TENM2: variants seen among roughly 807,000 people sequenced by gnomAD.
The protein encoded by TENM2 is teneurin-2.
In TENM2, 52 loss-of-function variants were observed where a neutral mutation model predicts 245.2. The observed-to-expected ratio is 0.21, with a 90% CI of 0.17 to 0.27. The LOEUF (loss-of-function observed/expected upper bound fraction) is 0.27. Among genes scored for constraint, TENM2 ranks in the 10% least tolerant of loss-of-function variants. TENM2 has a pLI of 1.00. For synonymous variants in TENM2, 1,363 were observed against 1,438.9 expected (o/e 0.95, Z 1.19); for missense variants, 3,046 against 3,666.8 (o/e 0.83, Z 4.37).
At chr5:167,793,894 G>A (rs889431741) in intron 2 of TENM2, among the ~76,000 whole-genome samples, 2 of 151,148 alleles carry the variant, frequency 1.3e-5, no homozygotes, top group Non-Finnish European at 2.9e-5. Flanking sequence ...AGAGTACAAA[G>A]CATTGTATTG....
the TENM2 span, among the ~76,000 whole-genome samples, chr5:167,270,879 A>G: frequency 6.6e-6 from 1 of 152,058 alleles, no homozygotes; most frequent in Non-Finnish European, 1.5e-5. Flanking sequence ...CAGAATTTAC[A>G]TTTTCCCATC....
At chr5:167,710,555 G>A (rs1254600366) in intron 2 of TENM2, among the ~76,000 whole-genome samples, 1 of 152,202 alleles carries the variant, frequency 6.6e-6, no homozygotes. Context: ...AAGGGATAAT[G>A]TGAATGAAGG....
intron 7 of TENM2, among the ~76,000 whole-genome samples, chr5:168,070,819 G>A (rs6897577): frequency 0.035 from 3,881 of 111,484 alleles, 162 homozygotes; most frequent in African/African-American, 0.12. Context: ...GAGAGAGAGA[G>A]AAAAAAAGAA....
At chr5:167,545,659 C>T (rs1261503632) in intron 2 of TENM2, among the ~76,000 whole-genome samples, 1 of 152,146 alleles carries the variant, frequency 6.6e-6, no homozygotes, top group Non-Finnish European at 1.5e-5. Context: ...TATGCTTTCA[C>T]ATAAGATACA....
In TENM2 at chr5:167,508,860, G is replaced by A. The variant is rs144024190; in HGVS notation, c.502+133387G>A. Reference sequence around the variant, plus strand: ...TTTTGAGACAGAGTCTCATTCTGTCGCTCAGCTGGAGTGCAATGGCGTGAT... The same window carrying A: ...TTTTGAGACAGAGTCTCATTCTGTCACTCAGCTGGAGTGCAATGGCGTGAT... On this transcript the variant is annotated intron_variant, in intron 2 of 28. Transcript: ENST00000518659. Among the ~76,000 whole-genome samples the A allele has an allele frequency of 3.8e-3, 584 of 151,998 alleles. 6 individuals carry two copies. Among genetic ancestry groups the A allele is most frequent in the African/African-American group, 0.013 (549 of 41,446 alleles).
chr5:167,962,996 A>G (rs1781127871), intron 4 of TENM2, among the ~76,000 whole-genome samples: 1 of 152,248 alleles, frequency 6.6e-6, no homozygotes, highest in Non-Finnish European at 1.5e-5. Flanking sequence ...GATACTGATT[A>G]AAACATGTAT....
rs73372783 is a variant in TENM2, at chr5:167,948,562, G to A, written c.713-4026G>A. ...CCTTCTTCCTAGGACTAAAAGCCAC[G>A]CAGTACCTAAAAATAAATTCCAGGT... On this transcript the variant is annotated intron_variant, in intron 3 of 28. Transcript: ENST00000518659. Among the ~76,000 whole-genome samples the A allele has an allele frequency of 7.9e-3, 1,200 of 152,256 alleles. 21 individuals carry two copies. The highest frequency in any genetic ancestry group is 0.028 in the African/African-American group (1,156 of 41,538).
chr5:167,337,274 T>G (rs2127804034), intron 1 of TENM2, among the ~76,000 whole-genome samples: 1 of 152,232 alleles, frequency 6.6e-6, no homozygotes, highest in African/African-American at 2.4e-5. Context: ...ACAATTTGTT[T>G]CCCCTTAACA....
intron 2 of TENM2, among the ~76,000 whole-genome samples, chr5:167,820,692 G>A (rs981103722): frequency 6.6e-6 from 1 of 152,230 alleles, no homozygotes; most frequent in Non-Finnish European, 1.5e-5. Flanking sequence ...GTATGCAGCT[G>A]TTGCTAACAA....
chr5:168,007,829 C>T (rs1325425091), intron 5 of TENM2, among the ~76,000 whole-genome samples: 1 of 152,124 alleles, frequency 6.6e-6, no homozygotes, highest in Non-Finnish European at 1.5e-5. Flanking sequence ...AAGTTAGGTT[C>T]AACTCTCAAC....
chr5:168,015,344 G>T (rs905451882), intron 5 of TENM2, among the ~76,000 whole-genome samples: 10 of 152,156 alleles, frequency 6.6e-5, no homozygotes, highest in African/African-American at 2.2e-4. Context: ...AACAGGCCTG[G>T]GCAGGGGAAA....
At chr5:167,382,175 A>T (rs1282861079) in intron 2 of TENM2, among the ~76,000 whole-genome samples, 2 of 152,172 alleles carry the variant, frequency 1.3e-5, no homozygotes, top group Non-Finnish European at 2.9e-5. Flanking sequence ...AACTTTAGCT[A>T]CTTCAGCTGA....
At chr5:167,486,771 T>C (rs1768101704) in intron 2 of TENM2, among the ~76,000 whole-genome samples, 2 of 152,214 alleles carry the variant, frequency 1.3e-5, no homozygotes, top group African/African-American at 2.4e-5. Context: ...TTGAGGAACC[T>C]GTACAGATTG....
intron 2 of TENM2, among the ~76,000 whole-genome samples, chr5:167,872,486 AAG>A (rs1468329420): frequency 1.8e-4 from 3 of 16,344 alleles, no homozygotes; most frequent in African/African-American, 3.1e-4. Context: ...AAGAAAGAAA[AAG>A]AAAGAAAGAA....
intron 2 of TENM2, among the ~76,000 whole-genome samples, chr5:167,452,555 T>C (rs1384613597): frequency 2.6e-5 from 4 of 152,146 alleles, no homozygotes; most frequent in African/African-American, 9.7e-5. Flanking sequence ...GAAAGTGCAG[T>C]GTTCTGAGAA....
Position 168,077,043 on chromosome 5 carries a change from T to C in TENM2, c.1516-13531T>C, listed in dbSNP as rs529522441. Among the ~76,000 whole-genome samples, 5 of 152,336 alleles carry C rather than the reference T, an allele frequency of 3.3e-5. No homozygotes were observed. In the South Asian group the frequency reaches 1.0e-3, roughly 32 times the overall value. On this transcript the variant is annotated intron_variant, in intron 7 of 28. Transcript: ENST00000518659. ...CACTTACTAACTGTTGGGTGAGCTA[T>C]GTAACCTCTCTGTGTCTCAGTTTCC... is the stretch of plus-strand genomic sequence containing the variant.
At chr5:167,375,387 G>A in exon 2 of TENM2, 1 of 1,551,740 alleles carries the variant, frequency 6.4e-7, no homozygotes, top group Non-Finnish European at 8.7e-7. Context: ...ATAAAATCCA[G>A]GCGCAGTTCC....
chr5:167,736,558 G>T (rs6869167), intron 2 of TENM2, among the ~76,000 whole-genome samples: 1 of 151,660 alleles, frequency 6.6e-6, no homozygotes, highest in African/African-American at 2.4e-5. Flanking sequence ...GGTATTTAAG[G>T]TCTCAGTAAA....
chr5:167,807,285 A>G (rs550285426), intron 2 of TENM2, among the ~76,000 whole-genome samples: 2 of 152,090 alleles, frequency 1.3e-5, no homozygotes, highest in South Asian at 2.1e-4. Flanking sequence ...CAGTGTTCTA[A>G]TAAAAGCCTG....
Sources: gnomAD v4.1 joint callset for allele counts (sites outside exome capture counted in the v4.1 genomes callset) on GRCh38, gnomAD v4.1.1 for gene constraint, MANE v1.5 for transcripts, NCBI Gene and HGNC (gene_info 2026-07-23, HGNC 2026-07-21) for gene names.